DYM: variants seen among roughly 807,000 people sequenced by gnomAD.
DYM encodes the protein dyggve-Melchior-Clausen syndrome protein.
A neutral mutation model predicts 93.1 loss-of-function variants in DYM; 78 were observed. That is an observed-to-expected ratio of 0.84 (90% CI 0.70 to 1.01). The LOEUF (loss-of-function observed/expected upper bound fraction) is 1.01, where lower values mean the gene tolerates loss of function less well. Among genes scored for constraint, DYM ranks in the 50% least tolerant of loss-of-function variants. DYM has a pLI of 0.00. For synonymous variants in DYM, 321 were observed against 319.7 expected (o/e 1.00, Z -0.04); for missense variants, 789 against 845.0 (o/e 0.93, Z 0.82).
intron 13 of DYM, among the ~76,000 whole-genome samples, chr18:49,225,769 C>G (rs1366060841): frequency 1.3e-5 from 2 of 152,008 alleles, no homozygotes; most frequent in Non-Finnish European, 2.9e-5. Flanking sequence ...CCTAAATTAG[C>G]CACTCATTCT....
At chr18:49,394,261 CAG>C (rs1341875685) in intron 2 of DYM, among the ~76,000 whole-genome samples, 3 of 152,054 alleles carry the variant, frequency 2.0e-5, no homozygotes, top group Admixed American at 6.6e-5. Flanking sequence ...ATATATAAAA[CAG>C]AAATAGTAAC....
chr18:49,321,330 C>A lies in DYM; in HGVS notation c.763+10534G>T, dbSNP rs1202737865. ...CCTTGTAAATACAAACTAATTCATT[C>A]TTCAACTATTTGTAGCATGAAAGAG... On this transcript the variant is annotated intron_variant, in intron 8 of 17. Transcript: ENST00000675505. 7.5e-6 allele frequency: 3 copies of A among 398,034 alleles called. No homozygotes were observed. The Admixed American group carries it at 1.3e-4, about 18-fold the overall frequency. The allele number at this position is 398,034 out of a possible 1,614,324, so 24.7% of individuals were successfully genotyped here.
chr18:49,364,695 T>G (rs964814718), intron 5 of DYM, among the ~76,000 whole-genome samples: 3 of 152,186 alleles, frequency 2.0e-5, no homozygotes, highest in Non-Finnish European at 4.4e-5. Context: ...GAGATATAGG[T>G]CCTGCATCCC....
At chr18:49,393,111 AGG>A (rs2069580596) in intron 2 of DYM, among the ~76,000 whole-genome samples, 1 of 27,152 alleles carries the variant, frequency 3.7e-5, no homozygotes, top group Non-Finnish European at 6.5e-5. Context: ...GAAGGAAGGA[AGG>A]AAGGAAGGAA....
intron 17 of DYM, among the ~76,000 whole-genome samples, chr18:49,052,446 A>T (rs1486903150): frequency 6.6e-6 from 1 of 152,266 alleles, no homozygotes; most frequent in Non-Finnish European, 1.5e-5. Flanking sequence ...AGCACTAAGG[A>T]CACTGGGGAC....
chr18:49,212,641 G>A (rs895562266), intron 13 of DYM, among the ~76,000 whole-genome samples: 3 of 151,982 alleles, frequency 2.0e-5, no homozygotes, highest in Admixed American at 1.3e-4. Context: ...AACCACAAGT[G>A]TGTGCCACCA....
chr18:49,376,106 G>A (rs777514541), intron 5 of DYM, among the ~76,000 whole-genome samples: 6 of 152,024 alleles, frequency 3.9e-5, no homozygotes, highest in Non-Finnish European at 5.9e-5. Context: ...GGCACTTCAC[G>A]TTGTGATCAT....
chr18:49,389,234 C>G (rs2068942141), intron 3 of DYM, among the ~76,000 whole-genome samples: 1 of 152,014 alleles, frequency 6.6e-6, no homozygotes, highest in South Asian at 2.1e-4. Context: ...TTTTGCTGTT[C>G]CCAAAAGTAT....
chr18:49,192,490 T>G (rs1222482284), intron 14 of DYM, among the ~76,000 whole-genome samples: 1 of 152,156 alleles, frequency 6.6e-6, no homozygotes, highest in African/African-American at 2.4e-5. Context: ...CTTTTGCATA[T>G]GGATATCCAA....
chr18:49,068,328 T>C (rs2076633328), intron 17 of DYM, among the ~76,000 whole-genome samples: 1 of 152,222 alleles, frequency 6.6e-6, no homozygotes, highest in African/African-American at 2.4e-5. Context: ...GTTTCTCAAG[T>C]ATCTCTTCTT....
intron 15 of DYM, among the ~76,000 whole-genome samples, chr18:49,128,989 A>T (rs2083107845): frequency 6.6e-6 from 1 of 152,170 alleles, no homozygotes; most frequent in Non-Finnish European, 1.5e-5. Context: ...CCTGTGTGTC[A>T]TGGATTACAC....
intron 13 of DYM, among the ~76,000 whole-genome samples, chr18:49,242,722 C>T (rs568862400): frequency 1.3e-5 from 2 of 152,294 alleles, no homozygotes; most frequent in Admixed American, 6.5e-5. Flanking sequence ...TTTTTTGAGA[C>T]GGAGTCTAGC....
chr18:49,129,426 C>T (rs1054640853), intron 15 of DYM, among the ~76,000 whole-genome samples: 1 of 152,082 alleles, frequency 6.6e-6, no homozygotes, highest in Non-Finnish European at 1.5e-5. Flanking sequence ...CACAAGGCAA[C>T]CAGATAAATG....
chr18:49,389,786 C>A (rs1260363818), intron 3 of DYM, among the ~76,000 whole-genome samples: 1 of 152,160 alleles, frequency 6.6e-6, no homozygotes, highest in Non-Finnish European at 1.5e-5. Context: ...CCTCAGCCTC[C>A]TAAAGTTACC....
Position 49,177,414 on chromosome 18 carries a change from T to C in DYM, c.1626-13627A>G, listed in dbSNP as rs774994267. ...TATAACACAATTGATAGCCAAAATATTTCCCAGGTGTTGGACCCTTAATTT... is the reference window on the plus strand; with the variant it reads ...TATAACACAATTGATAGCCAAAATACTTCCCAGGTGTTGGACCCTTAATTT... On this transcript the variant is annotated intron_variant, in intron 14 of 17. Coordinates refer to ENST00000675505, the MANE Select transcript of DYM (RefSeq NM_001353214.3). Among the ~76,000 whole-genome samples, 7 of 152,164 alleles carry C rather than the reference T, an allele frequency of 4.6e-5. No individual in the cohort carries two copies. In the South Asian group the frequency reaches 1.0e-3, roughly 23 times the overall value.
At chr18:49,292,102 C>T (rs1174848423) in intron 8 of DYM, among the ~76,000 whole-genome samples, 1 of 152,068 alleles carries the variant, frequency 6.6e-6, no homozygotes, top group Admixed American at 6.6e-5. Context: ...TTCACAGTTG[C>T]TCATCTTTAT....
chr18:49,337,434 C>G (rs1035436798), intron 6 of DYM, among the ~76,000 whole-genome samples: 5 of 152,116 alleles, frequency 3.3e-5, no homozygotes, highest in African/African-American at 4.8e-5. Context: ...TAAAAATGGT[C>G]TTTGTCAAAA....
At chr18:49,265,106 C>G (rs182313327) in intron 11 of DYM, among the ~76,000 whole-genome samples, 93 of 152,288 alleles carry the variant, frequency 6.1e-4, no homozygotes, top group Non-Finnish European at 1.1e-3. Context: ...AACAATCTCA[C>G]TAAACAATAT....
intron 13 of DYM, among the ~76,000 whole-genome samples, chr18:49,226,653 A>G (rs1240967956): frequency 6.6e-6 from 1 of 152,206 alleles, no homozygotes; most frequent in Non-Finnish European, 1.5e-5. Flanking sequence ...TGGAGATTTC[A>G]TAAGAACAAA....
Sources: gnomAD v4.1 joint callset for allele counts (sites outside exome capture counted in the v4.1 genomes callset) on GRCh38, gnomAD v4.1.1 for gene constraint, MANE v1.5 for transcripts, NCBI Gene and HGNC (gene_info 2026-07-23, HGNC 2026-07-21) for gene names.